Variants in STMN2 observed in about 807,000 individuals in gnomAD.
STMN2 encodes stathmin 2.
STMN2 carries 2 observed loss-of-function variants against 24.1 expected under a neutral mutation model. That is an observed-to-expected ratio of 0.08 (90% CI 0.03 to 0.26). The LOEUF (loss-of-function observed/expected upper bound fraction) is 0.26, where lower values mean the gene tolerates loss of function less well. STMN2 is among the 10% of genes least tolerant of loss of function. STMN2 has a pLI of 1.00. For missense variants in STMN2, 114 were observed against 213.6 expected (o/e 0.53, Z 2.91); for synonymous variants, 83 against 77.5 (o/e 1.07, Z -0.37).
At chr8:79,650,855 C>T (rs1810319476) in intron 3 of STMN2, among the ~76,000 whole-genome samples, 1 of 152,066 alleles carries the variant, frequency 6.6e-6, no homozygotes, top group African/African-American at 2.4e-5. Flanking sequence ...AAGAGGATCT[C>T]TTGAGCCCAG....
At chr8:79,653,990 A>C (rs1046076815) in intron 3 of STMN2, among the ~76,000 whole-genome samples, 1 of 152,230 alleles carries the variant, frequency 6.6e-6, no homozygotes, top group Non-Finnish European at 1.5e-5. Flanking sequence ...AGCCCATGCC[A>C]GTATGACTTA....
intron 2 of STMN2, among the ~76,000 whole-genome samples, 186 bp from the exon 3 acceptor site, chr8:79,641,192 T>C (rs532565321): frequency 7.9e-5 from 12 of 152,228 alleles, no homozygotes; most frequent in Non-Finnish European, 1.6e-4. Context: ...AATATATCCA[T>C]AGTTACACTA....
intron 1 of STMN2, among the ~76,000 whole-genome samples, chr8:79,613,008 G>T (rs993883616): frequency 1.4e-4 from 22 of 152,066 alleles, no homozygotes; most frequent in African/African-American, 4.8e-5. Context: ...GCTGGCTCGA[G>T]CCCCGCCCGG....
intron 3 of STMN2, among the ~76,000 whole-genome samples, chr8:79,649,550 C>T (rs1016350434): frequency 1.2e-4 from 19 of 152,074 alleles, no homozygotes; most frequent in Admixed American, 1.0e-3. Flanking sequence ...TTTTCATTGT[C>T]AGCAGTAAAG....
intron 1 of STMN2, among the ~76,000 whole-genome samples, chr8:79,627,890 C>G (rs868590953): frequency 5.9e-5 from 9 of 152,296 alleles, no homozygotes; most frequent in Middle Eastern, 3.4e-3. Context: ...TTTCACTTGA[C>G]ATAATGTCCT....
At chr8:79,655,573 G>A (rs1310894452) in intron 4 of STMN2, among the ~76,000 whole-genome samples, 1 of 152,058 alleles carries the variant, frequency 6.6e-6, no homozygotes, top group Non-Finnish European at 1.5e-5. Flanking sequence ...AGCATCACAT[G>A]GGACCATAGC....
intron 2 of STMN2, among the ~76,000 whole-genome samples, chr8:79,638,934 T>G (rs1338197107): frequency 1.3e-5 from 2 of 152,162 alleles, no homozygotes; most frequent in Admixed American, 1.3e-4. Context: ...TTTTATAAAA[T>G]TGTATTTAAA....
intron 4 of STMN2, among the ~76,000 whole-genome samples, chr8:79,659,237 C>G (rs1253537433): frequency 6.6e-6 from 1 of 152,098 alleles, no homozygotes; most frequent in African/African-American, 2.4e-5. Flanking sequence ...GCCACAAAGG[C>G]CTGCATTAGG....
At chr8:79,655,492 T>C (rs1806324298) in intron 4 of STMN2, among the ~76,000 whole-genome samples, 1 of 152,006 alleles carries the variant, frequency 6.6e-6, no homozygotes, top group African/African-American at 2.4e-5. Context: ...AAATATTAAA[T>C]TAGAAAAATA....
intron 3 of STMN2, among the ~76,000 whole-genome samples, chr8:79,651,392 A>C (rs1049865023): frequency 5.3e-5 from 8 of 152,218 alleles, no homozygotes; most frequent in African/African-American, 9.6e-5. Context: ...AACTGAGCCA[A>C]ATGTTGCACT....
intron 4 of STMN2, among the ~76,000 whole-genome samples, chr8:79,656,883 T>C (rs1312165304): frequency 1.3e-5 from 2 of 150,516 alleles, no homozygotes; most frequent in Non-Finnish European, 3.0e-5. Flanking sequence ...TTTGTTTGTT[T>C]GTTTTTTTGA....
intron 1 of STMN2, among the ~76,000 whole-genome samples, chr8:79,628,737 C>T (rs1809725816): frequency 6.6e-6 from 1 of 152,010 alleles, no homozygotes; most frequent in Non-Finnish European, 1.5e-5. Flanking sequence ...AGAAAATAAT[C>T]ACTTCTCAGA....
At chr8:79,616,325 G>C (rs902603985) in intron 1 of STMN2, among the ~76,000 whole-genome samples, 1 of 152,194 alleles carries the variant, frequency 6.6e-6, no homozygotes, top group Non-Finnish European at 1.5e-5. Context: ...TTTTAACGAA[G>C]TAAGAAGAAA....
At chr8:79,656,009 T>C (rs928710074) in intron 4 of STMN2, among the ~76,000 whole-genome samples, 29 of 152,316 alleles carry the variant, frequency 1.9e-4, no homozygotes, top group African/African-American at 6.7e-4. Flanking sequence ...TCCTGTTTTC[T>C]ATTTCTCAGA....
chr8:79,628,419 G>T (rs1809713438), intron 1 of STMN2, among the ~76,000 whole-genome samples: 1 of 152,090 alleles, frequency 6.6e-6, no homozygotes, highest in South Asian at 2.1e-4. Context: ...CCAAAGTGCT[G>T]CGATTACAGG....
At chr8:79,662,576 AAT>A (rs1192581997) in intron 4 of STMN2, among the ~76,000 whole-genome samples, 3 of 152,158 alleles carry the variant, frequency 2.0e-5, no homozygotes, top group Non-Finnish European at 4.4e-5. Context: ...GTGTTCAAAT[AAT>A]AGAGTGACTA....
chr8:79,617,517 A>T (rs1809412181), intron 1 of STMN2, among the ~76,000 whole-genome samples: 1 of 152,228 alleles, frequency 6.6e-6, no homozygotes, highest in Non-Finnish European at 1.5e-5. Flanking sequence ...TGTTGTTAAC[A>T]GTTCATTTCA....
intron 1 of STMN2, among the ~76,000 whole-genome samples, chr8:79,620,390 T>C (rs1007471022): frequency 1.2e-4 from 19 of 152,074 alleles, no homozygotes; most frequent in Admixed American, 1.2e-3. Flanking sequence ...GGCATATTTG[T>C]CTTCAGTTTA....
intron 1 of STMN2, among the ~76,000 whole-genome samples, chr8:79,628,604 C>T (rs1199051874): frequency 3.9e-5 from 6 of 152,160 alleles, no homozygotes; most frequent in African/African-American, 1.2e-4. Context: ...CATTTCAACA[C>T]GTGTGAGATA....
Sources: gnomAD v4.1 joint callset for allele counts (sites outside exome capture counted in the v4.1 genomes callset) on GRCh38, gnomAD v4.1.1 for gene constraint, MANE v1.5 for transcripts, NCBI Gene and HGNC (gene_info 2026-07-23, HGNC 2026-07-21) for gene names.